Variants in SLC2A13 observed in about 807,000 individuals in gnomAD.
SLC2A13 encodes proton myo-inositol cotransporter.
In SLC2A13, 32 loss-of-function variants were observed where a neutral mutation model predicts 64.4. That is an observed-to-expected ratio of 0.50 (90% confidence interval 0.37 to 0.67). The LOEUF (loss-of-function observed/expected upper bound fraction) is 0.67, where lower values mean the gene tolerates loss of function less well. Among genes scored for constraint, SLC2A13 ranks in the 30% least tolerant of loss-of-function variants. SLC2A13 has a pLI of 0.00. For synonymous variants in SLC2A13, 338 were observed against 327.1 expected (o/e 1.03, Z -0.36); for missense variants, 743 against 829.2 (o/e 0.90, Z 1.28).
At chr12:39,852,583 T>C (rs1943499071) in intron 6 of SLC2A13, among the ~76,000 whole-genome samples, 1 of 152,094 alleles carries the variant, frequency 6.6e-6, no homozygotes, top group Non-Finnish European at 1.5e-5. Flanking sequence ...AATATCTAGG[T>C]GAAGAAGAAG....
intron 6 of SLC2A13, among the ~76,000 whole-genome samples, chr12:39,841,506 C>G (rs1054887042): frequency 6.6e-5 from 10 of 151,914 alleles, no homozygotes; most frequent in African/African-American, 2.2e-4. Context: ...TAGTTAAAAA[C>G]CTCAATTGTA....
At chr12:39,858,291 G>T (rs1424042529) in intron 6 of SLC2A13, among the ~76,000 whole-genome samples, 1 of 152,076 alleles carries the variant, frequency 6.6e-6, no homozygotes, top group Admixed American at 6.5e-5. Context: ...ATTGACTTAT[G>T]TACATTTATC....
intron 6 of SLC2A13, among the ~76,000 whole-genome samples, chr12:39,864,523 A>G (rs1330081992): frequency 2.6e-5 from 4 of 152,170 alleles, no homozygotes; most frequent in Admixed American, 2.6e-4. Flanking sequence ...CCAGAGAAAC[A>G]TCACCAAGAT....
intron 4 of SLC2A13, among the ~76,000 whole-genome samples, chr12:39,903,312 A>T (rs552000280): frequency 6.6e-6 from 1 of 152,242 alleles, no homozygotes; most frequent in Non-Finnish European, 1.5e-5. Flanking sequence ...TATCTGACAG[A>T]TTAGCTATTT....
chr12:39,807,399 G>T (rs973249607), intron 7 of SLC2A13, among the ~76,000 whole-genome samples: 3 of 152,104 alleles, frequency 2.0e-5, no homozygotes, highest in Non-Finnish European at 4.4e-5. Flanking sequence ...CAATCTCCTG[G>T]GTGAAACTAT....
intron 3 of SLC2A13, among the ~76,000 whole-genome samples, chr12:40,000,567 A>G (rs376944750): frequency 2.0e-5 from 3 of 152,102 alleles, no homozygotes; most frequent in Non-Finnish European, 4.4e-5. Context: ...GCTTTCTCAC[A>G]GTTCTAGAGG....
chr12:40,025,348 T>C (rs1217969035), intron 3 of SLC2A13, among the ~76,000 whole-genome samples: 1 of 152,226 alleles, frequency 6.6e-6, no homozygotes, highest in Non-Finnish European at 1.5e-5. Flanking sequence ...TAAATTAATG[T>C]AGCCAATATA....
At chr12:39,764,930 A>G in intron 7 of SLC2A13, 72 bp from the exon 8 acceptor site, 1 of 1,514,202 alleles carries the variant, frequency 6.6e-7, no homozygotes, top group Non-Finnish European at 8.9e-7. Flanking sequence ...ATATGATCAT[A>G]TTTATGTATT....
intron 4 of SLC2A13, among the ~76,000 whole-genome samples, chr12:39,938,219 A>T (rs1489097248): frequency 6.6e-6 from 1 of 152,078 alleles, no homozygotes; most frequent in Non-Finnish European, 1.5e-5. Flanking sequence ...CACATTTGGG[A>T]GGTATTATAA....
chr12:39,853,840 A>C (rs1337299113), intron 6 of SLC2A13, among the ~76,000 whole-genome samples: 3 of 152,072 alleles, frequency 2.0e-5, no homozygotes, highest in Non-Finnish European at 4.4e-5. Flanking sequence ...TGGCCACTAA[A>C]TACCTCTGAA....
At chr12:39,954,311 C>T (rs1427811954) in intron 3 of SLC2A13, among the ~76,000 whole-genome samples, 2 of 151,938 alleles carry the variant, frequency 1.3e-5, no homozygotes, top group Admixed American at 1.3e-4. Context: ...GCCAAGGGGG[C>T]TAGAATTCAG....
chr12:39,813,790 A>T (rs963038612), intron 7 of SLC2A13, among the ~76,000 whole-genome samples: 3 of 152,220 alleles, frequency 2.0e-5, no homozygotes, highest in Non-Finnish European at 4.4e-5. Flanking sequence ...ATTTGATTTA[A>T]AATTTAAAAT....
intron 4 of SLC2A13, among the ~76,000 whole-genome samples, chr12:39,939,000 T>A (rs6581442): frequency 0.99 from 150,625 of 152,250 alleles, 74,532 homozygotes; most frequent in Middle Eastern, 1. Flanking sequence ...ATCCGCAGGG[T>A]CAACACTCAA....
At chr12:39,763,205 T>C (rs1234231484) in intron 9 of SLC2A13, among the ~76,000 whole-genome samples, 1 of 152,052 alleles carries the variant, frequency 6.6e-6, no homozygotes, top group Non-Finnish European at 1.5e-5. Context: ...ACTAAATATA[T>C]ATCCAGTTTA....
intron 6 of SLC2A13, among the ~76,000 whole-genome samples, chr12:39,854,198 G>T (rs1360275040): frequency 6.6e-6 from 1 of 151,956 alleles, no homozygotes; most frequent in East Asian, 1.9e-4. Flanking sequence ...TTAGGCAAAT[G>T]ATATAATCCG....
chr12:39,860,833 A>G (rs1943741013), intron 6 of SLC2A13, among the ~76,000 whole-genome samples: 1 of 152,118 alleles, frequency 6.6e-6, no homozygotes, highest in Non-Finnish European at 1.5e-5. Flanking sequence ...GACAACTGTA[A>G]AAAACCAGTC....
intron 1 of SLC2A13, among the ~76,000 whole-genome samples, chr12:40,052,982 T>A (rs918198023): frequency 2.0e-5 from 3 of 152,090 alleles, no homozygotes; most frequent in Admixed American, 6.6e-5. Flanking sequence ...TGTCTTATCA[T>A]GTAAAATCAT....
At chr12:39,763,073 G>T (rs1454894837) in intron 9 of SLC2A13, among the ~76,000 whole-genome samples, 2 of 151,962 alleles carry the variant, frequency 1.3e-5, no homozygotes, top group African/African-American at 2.4e-5. Flanking sequence ...AAATATTTAA[G>T]TGTTCTCTAG....
chr12:39,874,224 G>A (rs1440503919), intron 4 of SLC2A13, among the ~76,000 whole-genome samples: 1 of 152,156 alleles, frequency 6.6e-6, no homozygotes, highest in Non-Finnish European at 1.5e-5. Flanking sequence ...GAGGGCACTG[G>A]AGGTCACTGA....
Sources: gnomAD v4.1 joint callset for allele counts (sites outside exome capture counted in the v4.1 genomes callset) on GRCh38, gnomAD v4.1.1 for gene constraint, MANE v1.5 for transcripts, NCBI Gene and HGNC (gene_info 2026-07-23, HGNC 2026-07-21) for gene names.